CHODL: variants seen among roughly 807,000 people sequenced by gnomAD.
The protein encoded by CHODL is transmembrane protein MT75.
In CHODL, 29 loss-of-function variants were observed where a neutral mutation model predicts 34.5. The observed-to-expected ratio is 0.84, with a 90% CI of 0.63 to 1.15. The LOEUF is 1.15. Among genes scored for constraint, CHODL ranks in the 50% most tolerant of loss-of-function variants. The pLI is 0.00. For missense variants in CHODL, 332 were observed against 332.5 expected, an observed-to-expected ratio of 1.00 and a Z score of 0.01; for synonymous variants, 125 against 116.1, an observed-to-expected ratio of 1.08 and a Z score of -0.49.
At chr21:18,199,223 C>T (rs2073624449) in intron 2 of CHODL, among the ~76,000 whole-genome samples, 2 of 152,110 alleles carry the variant, frequency 1.3e-5, no homozygotes, top group Non-Finnish European at 2.9e-5. Context: ...AGCATGGTCT[C>T]AGGAGGATAA....
chr21:18,162,429 CTCTCTCTT>C (rs1393869897), intron 2 of CHODL, among the ~76,000 whole-genome samples: 4 of 151,716 alleles, frequency 2.6e-5, no homozygotes, highest in African/African-American at 4.8e-5. Flanking sequence ...CTCTCTCTCT[CTCTCTCTT>C]TCTCTTTCTC....
intron 1 of CHODL, among the ~76,000 whole-genome samples, chr21:17,997,876 C>A (rs1024841005): frequency 1.3e-5 from 2 of 152,074 alleles, no homozygotes; most frequent in African/African-American, 4.8e-5. Context: ...GGGGACACAG[C>A]CAAGCCGTAT....
intron 2 of CHODL, among the ~76,000 whole-genome samples, chr21:18,086,123 T>C (rs1440369561): frequency 6.6e-6 from 1 of 150,792 alleles, no homozygotes; most frequent in Non-Finnish European, 1.5e-5. Context: ...TTATTTCTTC[T>C]TCTTGCTCTG....
At chr21:17,986,731 A>G (rs1467319499) in intron 1 of CHODL, among the ~76,000 whole-genome samples, 1 of 152,222 alleles carries the variant, frequency 6.6e-6, no homozygotes, top group Non-Finnish European at 1.5e-5. Flanking sequence ...TCCTTGAGGA[A>G]TCGCCACACT....
intron 2 of CHODL, among the ~76,000 whole-genome samples, chr21:18,106,243 A>T (rs1289308841): frequency 6.6e-6 from 1 of 152,100 alleles, no homozygotes; most frequent in Non-Finnish European, 1.5e-5. Context: ...TCCATATAAA[A>T]TTTTCAGACC....
chr21:18,157,543 G>T (rs1334247334), intron 2 of CHODL, among the ~76,000 whole-genome samples: 2 of 152,188 alleles, frequency 1.3e-5, no homozygotes, highest in Admixed American at 1.3e-4. Flanking sequence ...ATTAAGGCAG[G>T]TTGTGTCAGC....
At chr21:18,178,538 C>T (rs1388461994) in intron 2 of CHODL, among the ~76,000 whole-genome samples, 2 of 152,142 alleles carry the variant, frequency 1.3e-5, no homozygotes, top group Non-Finnish European at 2.9e-5. Flanking sequence ...ATAACATAAA[C>T]TATTGATTAA....
chr21:18,139,402 C>T (rs944061386), intron 2 of CHODL, among the ~76,000 whole-genome samples: 4 of 152,048 alleles, frequency 2.6e-5, no homozygotes, highest in African/African-American at 9.7e-5. Context: ...ACAAAAATGA[C>T]ACAATTCCTT....
intron 1 of CHODL, among the ~76,000 whole-genome samples, chr21:17,988,582 T>C (rs1299551577): frequency 3.2e-5 from 3 of 94,118 alleles, no homozygotes; most frequent in Admixed American, 1.6e-4. Flanking sequence ...CAGAGTGTGA[T>C]GTTCCCCTTC....
intron 2 of CHODL, among the ~76,000 whole-genome samples, chr21:18,050,066 A>G (rs1397839409): frequency 6.6e-6 from 1 of 151,992 alleles, no homozygotes; most frequent in Non-Finnish European, 1.5e-5. Flanking sequence ...GCAGATGGTG[A>G]TAATTGCTGT....
At chr21:18,012,253 C>G (rs1367838764) in intron 1 of CHODL, among the ~76,000 whole-genome samples, 1 of 152,202 alleles carries the variant, frequency 6.6e-6, no homozygotes, top group African/African-American at 2.4e-5. Flanking sequence ...CCCTTGCTCT[C>G]ATTTGTCATC....
At chr21:18,082,031 C>A (rs920801319) in intron 2 of CHODL, among the ~76,000 whole-genome samples, 16 of 152,180 alleles carry the variant, frequency 1.1e-4, no homozygotes, top group Admixed American at 1.0e-3. Context: ...TATGTTTTGA[C>A]TCTGTGTCCC....
chr21:18,188,638 G>A (rs147594462), intron 2 of CHODL, among the ~76,000 whole-genome samples: 7 of 152,268 alleles, frequency 4.6e-5, no homozygotes, highest in African/African-American at 7.2e-5. Flanking sequence ...ATATGTTGAC[G>A]TTTTGGTCTT....
chr21:18,084,662 T>C (rs2064981832), intron 2 of CHODL, among the ~76,000 whole-genome samples: 1 of 152,208 alleles, frequency 6.6e-6, no homozygotes, highest in South Asian at 2.1e-4. Context: ...AAAAAAAAAC[T>C]TTAAGACTTG....
intron 2 of CHODL, among the ~76,000 whole-genome samples, chr21:18,148,502 G>A (rs967884611): frequency 2.0e-5 from 3 of 152,052 alleles, no homozygotes; most frequent in African/African-American, 7.3e-5. Flanking sequence ...AGGTTTTATA[G>A]AAGTTTAATG....
At chr21:18,066,062 A>T (rs1050077475) in intron 2 of CHODL, among the ~76,000 whole-genome samples, 3 of 152,200 alleles carry the variant, frequency 2.0e-5, no homozygotes, top group African/African-American at 7.2e-5. Flanking sequence ...GGATTTTGGT[A>T]CTGGTTGCTG....
intron 1 of CHODL, among the ~76,000 whole-genome samples, chr21:17,940,269 T>C (rs2063352223): frequency 6.6e-6 from 1 of 152,220 alleles, no homozygotes; most frequent in South Asian, 2.1e-4. Context: ...ATATTGTCTA[T>C]TATTCATAAC....
At chr21:18,129,892 CTGTGTG>C (rs150557806) in intron 2 of CHODL, among the ~76,000 whole-genome samples, 1,446 of 140,680 alleles carry the variant, frequency 0.01, 13 homozygotes, top group Admixed American at 0.026. Flanking sequence ...CTGTCTTTCT[CTGTGTG>C]TGTGTGTGTG....
chr21:18,256,638 G>A lies in CHODL; in HGVS notation c.209G>A (p.Ser70Asn), dbSNP rs755708329. 6.2e-7 allele frequency: 1 copy of A among 1,614,072 alleles called. No individual in the cohort carries two copies. Among genetic ancestry groups the A allele is most frequent in the Admixed American group, 1.7e-5 (1 of 59,992 alleles). ...GAGAGTGAGGGAGGAGTCCTCCTCA[G>A]CCTTGAGAATGAAGCAGAACAGAAG... ...ACESEGGVLL[S>N]LENEAEQKLI... Residue 70 changes from serine (S) to asparagine (N), a missense_variant, in exon 2 of 6, where the codon AGC becomes AAC. By Grantham distance (46) the Ser-to-Asn change is conservative. Transcript: ENST00000299295.
Sources: allele counts gnomAD v4.1 joint callset (sites outside exome capture counted in the v4.1 genomes callset), GRCh38; gene constraint gnomAD v4.1.1; transcripts MANE v1.5; gene names NCBI Gene and HGNC (gene_info 2026-07-23, HGNC 2026-07-21).